GREB1L: variants seen among roughly 807,000 people sequenced by gnomAD.
GREB1L encodes the protein GREB1-like protein.
In GREB1L, 17 loss-of-function variants were observed where a neutral mutation model predicts 200.8. The ratio of observed to expected loss-of-function variants is 0.08; its 90% CI spans 0.06 to 0.13. The LOEUF (loss-of-function observed/expected upper bound fraction) is 0.13, where lower values mean the gene tolerates loss of function less well. GREB1L is among the 10% of genes least tolerant of loss of function. GREB1L has a pLI of 1.00. For missense variants in GREB1L, 1,657 were observed against 2,367.7 expected (o/e 0.70, Z 6.23); for synonymous variants, 789 against 893.0 (o/e 0.88, Z 2.08).
At chr18:21,365,143 GAA>G (rs894239990) in intron 1 of GREB1L, among the ~76,000 whole-genome samples, 2 of 151,632 alleles carry the variant, frequency 1.3e-5, no homozygotes, top group Non-Finnish European at 2.9e-5. Context: ...CGGCATAAGA[GAA>G]AAGTAAAATG....
chr18:21,416,960 C>T (rs1419349124), intron 7 of GREB1L, among the ~76,000 whole-genome samples: 5 of 151,912 alleles, frequency 3.3e-5, no homozygotes, highest in Non-Finnish European at 7.4e-5. Flanking sequence ...GCAGAAGTTG[C>T]AGTGAGCTGA....
intron 19 of GREB1L, among the ~76,000 whole-genome samples, chr18:21,492,410 G>A (rs2036379644): frequency 6.6e-6 from 1 of 152,144 alleles, no homozygotes; most frequent in Non-Finnish European, 1.5e-5. Flanking sequence ...ACCATGCTAA[G>A]TCTCCCACAT....
chr18:21,359,058 A>G (rs2039545798), intron 1 of GREB1L, among the ~76,000 whole-genome samples: 1 of 152,224 alleles, frequency 6.6e-6, no homozygotes. Context: ...TTTTATGGAT[A>G]AGGAAATGGC....
At chr18:21,459,632 C>T (rs1029729402) in intron 15 of GREB1L, among the ~76,000 whole-genome samples, 13 of 151,850 alleles carry the variant, frequency 8.6e-5, no homozygotes, top group Admixed American at 3.9e-4. Flanking sequence ...GCAGAGCTTT[C>T]TTCTGTAAGA....
At chr18:21,344,273 C>T (rs867806418) in intron 1 of GREB1L, among the ~76,000 whole-genome samples, 3 of 152,182 alleles carry the variant, frequency 2.0e-5, no homozygotes, top group Middle Eastern at 3.4e-3. Flanking sequence ...TGGTGGCAGG[C>T]GCCTGTAGTC....
chr18:21,369,321 C>G (rs2039787342), intron 2 of GREB1L, among the ~76,000 whole-genome samples: 1 of 152,082 alleles, frequency 6.6e-6, no homozygotes, highest in African/African-American at 2.4e-5. Flanking sequence ...ATTGACTGTT[C>G]TCCCTGTTGA....
intron 7 of GREB1L, among the ~76,000 whole-genome samples, chr18:21,438,658 C>A (rs1244089136): frequency 1.3e-5 from 2 of 149,842 alleles, no homozygotes; most frequent in African/African-American, 2.5e-5. Flanking sequence ...GACAGTGAGA[C>A]CTTGTCTCAA....
chr18:21,274,003 G>A (rs2038121607), intron 1 of GREB1L, among the ~76,000 whole-genome samples: 3 of 152,144 alleles, frequency 2.0e-5, no homozygotes, highest in Admixed American at 2.0e-4. Flanking sequence ...TGTAAATACT[G>A]TCTTAGTGCA....
At chr18:21,463,184 C>T (rs1321960639) in intron 15 of GREB1L, among the ~76,000 whole-genome samples, 3 of 138,350 alleles carry the variant, frequency 2.2e-5, no homozygotes, top group Admixed American at 7.7e-5. Flanking sequence ...CTCGCTCTGT[C>T]CCCCAGGCTG....
At chr18:21,292,767 C>T (rs925336327) in intron 1 of GREB1L, among the ~76,000 whole-genome samples, 11 of 152,194 alleles carry the variant, frequency 7.2e-5, no homozygotes, top group Non-Finnish European at 1.5e-4. Context: ...TTACTTCCTG[C>T]TATGGGAAAT....
At chr18:21,311,195 C>T (rs1477375478) in intron 1 of GREB1L, among the ~76,000 whole-genome samples, 1 of 152,166 alleles carries the variant, frequency 6.6e-6, no homozygotes, top group Non-Finnish European at 1.5e-5. Context: ...AGCCAGTTAT[C>T]AATGCAAGCA....
At chr18:21,468,761 G>A in intron 15 of GREB1L, 1 of 456,574 alleles carries the variant, frequency 2.2e-6, no homozygotes, top group South Asian at 1.5e-5. Context: ...ATTCAGTTAT[G>A]TCCTCTTCAT....
At chr18:21,468,669 T>C (rs1026946456) in intron 15 of GREB1L, 5 of 456,350 alleles carry the variant, frequency 1.1e-5, no homozygotes, top group Non-Finnish European at 1.8e-5. Flanking sequence ...GCCAGAATGA[T>C]ACTGTTAACG....
chr18:21,408,621 T>C (rs2030569071), intron 7 of GREB1L, among the ~76,000 whole-genome samples: 1 of 151,668 alleles, frequency 6.6e-6, no homozygotes, highest in Non-Finnish European at 1.5e-5. Context: ...ATGGAGAAAC[T>C]CCGTCTCTAC....
At chr18:21,332,479 T>A (rs1018064065) in intron 1 of GREB1L, among the ~76,000 whole-genome samples, 49 of 151,196 alleles carry the variant, frequency 3.2e-4, no homozygotes, top group African/African-American at 7.0e-4. Context: ...AAAAAAAAAA[T>A]TTTTTTTTCT....
At chr18:21,311,715 G>C (rs1217511171) in intron 1 of GREB1L, among the ~76,000 whole-genome samples, 1 of 151,974 alleles carries the variant, frequency 6.6e-6, no homozygotes, top group Non-Finnish European at 1.5e-5. Context: ...GGCTATATTA[G>C]GTTTTGCCAT....
chr18:21,399,404 A>G (rs1172238268), intron 5 of GREB1L, among the ~76,000 whole-genome samples: 1 of 151,800 alleles, frequency 6.6e-6, no homozygotes, highest in Non-Finnish European at 1.5e-5. Context: ...CACATAATAG[A>G]GTACAGTATT....
intron 15 of GREB1L, among the ~76,000 whole-genome samples, chr18:21,455,974 G>A (rs577301249): frequency 9.7e-4 from 145 of 148,934 alleles, no homozygotes; most frequent in South Asian, 3.6e-3. Flanking sequence ...TACAGTCCTG[G>A]CTCACTGCAA....
chr18:21,408,794 C>CAAA (rs58262799), intron 7 of GREB1L, among the ~76,000 whole-genome samples: 3 of 73,606 alleles, frequency 4.1e-5, no homozygotes, highest in East Asian at 5.8e-4. Context: ...AATTCCATCT[C>CAAA]AAAAAAAAAA....
Sources: gnomAD v4.1 joint callset for allele counts (sites outside exome capture counted in the v4.1 genomes callset) on GRCh38, gnomAD v4.1.1 for gene constraint, MANE v1.5 for transcripts, NCBI Gene and HGNC (gene_info 2026-07-23, HGNC 2026-07-21) for gene names.